Variants in TOX2 observed in about 807,000 individuals in gnomAD.
The protein encoded by TOX2 is granulosa cell HMG box 1.
A neutral mutation model predicts 47.4 loss-of-function variants in TOX2; 15 were observed. That is an observed-to-expected ratio of 0.32 (90% confidence interval 0.21 to 0.49). The LOEUF (loss-of-function observed/expected upper bound fraction) is 0.49, where lower values mean the gene tolerates loss of function less well. Among genes scored for constraint, TOX2 ranks in the 20% least tolerant of loss-of-function variants. TOX2 has a pLI of 0.99. For missense variants in TOX2, 622 were observed against 673.1 expected, an observed-to-expected ratio of 0.92 and a Z score of 0.84; for synonymous variants, 290 against 296.6, an observed-to-expected ratio of 0.98 and a Z score of 0.23.
chr20:43,962,209 T>C (rs1184405637), intron 1 of TOX2, among the ~76,000 whole-genome samples: 1 of 152,078 alleles, frequency 6.6e-6, no homozygotes, highest in African/African-American at 2.4e-5. Flanking sequence ...AAGGAAGAAA[T>C]ACAGGCCTGC....
In TOX2 at chr20:43,987,211, A is replaced by C. The variant is rs939008060; in HGVS notation, c.165+13779A>C. 7.4e-4 allele frequency among the ~76,000 whole-genome samples: 112 copies of C among 152,242 alleles called. 2 individuals carry two copies. The highest frequency in any genetic ancestry group is 3.2e-4 in the Non-Finnish European group (22 of 68,040). Reference sequence around the variant, plus strand: ...CAATGAGAATGAATGATGTGTAACCACATGCCATCAAGCAGATGAGTCTCA... The same window carrying C: ...CAATGAGAATGAATGATGTGTAACCCCATGCCATCAAGCAGATGAGTCTCA... On this transcript the variant is annotated intron_variant, in intron 2 of 8. Coordinates refer to ENST00000341197, the MANE Select transcript of TOX2 (RefSeq NM_001098797.2).
At chr20:43,995,630 G>C (rs1479984825) in intron 2 of TOX2, among the ~76,000 whole-genome samples, 1 of 152,156 alleles carries the variant, frequency 6.6e-6, no homozygotes, top group Non-Finnish European at 1.5e-5. Context: ...ATTCAGCCTA[G>C]TACCCATTAG....
At chr20:44,009,968 G>A (rs756697087) in intron 3 of TOX2, among the ~76,000 whole-genome samples, 22 of 152,092 alleles carry the variant, frequency 1.4e-4, no homozygotes, top group Non-Finnish European at 2.5e-4. Context: ...TTGAAGCCTC[G>A]GTTTCCTTGT....
intron 1 of TOX2, among the ~76,000 whole-genome samples, chr20:43,920,132 T>C (rs2145829157): frequency 6.6e-6 from 1 of 152,364 alleles, no homozygotes; most frequent in Middle Eastern, 3.4e-3. Context: ...TACAGGCTTT[T>C]GTGGGCTCCT....
At chr20:43,935,599 G>T (rs1046350215) in intron 1 of TOX2, among the ~76,000 whole-genome samples, 2 of 152,270 alleles carry the variant, frequency 1.3e-5, no homozygotes, top group Admixed American at 6.5e-5. Flanking sequence ...GAAGCTCAGA[G>T]AAACTTGCCC....
intron 3 of TOX2, among the ~76,000 whole-genome samples, chr20:44,039,427 C>T (rs138379064): frequency 1.8e-4 from 28 of 152,184 alleles, no homozygotes; most frequent in Admixed American, 9.8e-4. Flanking sequence ...AGCAGGGAGG[C>T]GACATTTCAT....
chr20:43,920,309 T>C (rs1325111670), intron 1 of TOX2, among the ~76,000 whole-genome samples: 1 of 152,232 alleles, frequency 6.6e-6, no homozygotes, highest in Non-Finnish European at 1.5e-5. Flanking sequence ...GATTGAGGAC[T>C]CTTTTTGACA....
In TOX2 at chr20:44,051,372, C is replaced by T. The variant is rs1458899028; in HGVS notation, c.478C>T (p.Arg160Cys). 23 of 1,613,926 alleles carry T rather than the reference C, an allele frequency of 1.4e-5. No individual in the cohort carries two copies. Among genetic ancestry groups the T allele is most frequent in the Non-Finnish European group, 1.7e-5 (20 of 1,179,934 alleles). The change falls in exon 4 of 9, where the codon CGC becomes TGC. Residue 160 changes from arginine to cysteine, a missense_variant. Arg to Cys is a radical substitution (Grantham distance 180). Coordinates refer to ENST00000341197, the MANE Select transcript of TOX2 (RefSeq NM_001098797.2). ...GGGCCGGCCCGGGCCCCTGCTGGGT[C>T]GCCCGGCAATGCTGGCCAGCCACAT... ...DSGRPGPLLG[R>C]PAMLASHMSA...
chr20:44,064,675 C>A, intron 5 of TOX2, 102 bp from the exon 6 acceptor site: 1 of 1,105,498 alleles, frequency 9.0e-7, no homozygotes. Flanking sequence ...CCACCCTCGT[C>A]CATTCGTGAT....
At chr20:44,015,630 T>C (rs1413057491) in intron 3 of TOX2, among the ~76,000 whole-genome samples, 2 of 152,246 alleles carry the variant, frequency 1.3e-5, no homozygotes, top group Non-Finnish European at 2.9e-5. Flanking sequence ...TTCAATTCTT[T>C]TATTATCTCA....
chr20:43,959,791 T>G (rs1600684350), intron 1 of TOX2, among the ~76,000 whole-genome samples: 1 of 152,244 alleles, frequency 6.6e-6, no homozygotes, highest in South Asian at 2.1e-4. Context: ...GCTTGGATGA[T>G]AGATAATTGT....
At chr20:44,003,558 G>T (rs1240650197) in intron 2 of TOX2, among the ~76,000 whole-genome samples, 3 of 152,180 alleles carry the variant, frequency 2.0e-5, no homozygotes, top group African/African-American at 7.2e-5. Context: ...CAAAACTCAT[G>T]TTAAATATCA....
chr20:43,945,410 G>A (rs931283221), intron 1 of TOX2, among the ~76,000 whole-genome samples: 3 of 152,220 alleles, frequency 2.0e-5, no homozygotes, highest in Non-Finnish European at 4.4e-5. Flanking sequence ...ACATTTAGCT[G>A]TCTCTAATTC....
intron 1 of TOX2, among the ~76,000 whole-genome samples, chr20:43,948,386 C>A (rs2069505501): frequency 6.6e-6 from 1 of 152,256 alleles, no homozygotes; most frequent in African/African-American, 2.4e-5. Flanking sequence ...AACCCCTGCT[C>A]TTCCACTGTG....
chr20:44,004,313 C>G (rs1464011368), intron 2 of TOX2, among the ~76,000 whole-genome samples: 1 of 152,120 alleles, frequency 6.6e-6, no homozygotes, highest in Non-Finnish European at 1.5e-5. Context: ...AGATGAGAAT[C>G]GAAACCCAGA....
chr20:43,997,163 C>T (rs1021421209), intron 2 of TOX2, among the ~76,000 whole-genome samples: 5 of 152,094 alleles, frequency 3.3e-5, no homozygotes, highest in East Asian at 1.9e-4. Flanking sequence ...AAATGGAGAT[C>T]GATAGTCAAA....
At chr20:44,037,343 G>A (rs574982485) in intron 3 of TOX2, among the ~76,000 whole-genome samples, 13 of 152,344 alleles carry the variant, frequency 8.5e-5, no homozygotes, top group South Asian at 2.1e-4. Context: ...GAAAACTTTC[G>A]TCTTGAACAC....
At chr20:44,049,330 T>A (rs886184094) in intron 3 of TOX2, among the ~76,000 whole-genome samples, 2 of 152,220 alleles carry the variant, frequency 1.3e-5, no homozygotes, top group African/African-American at 4.8e-5. Context: ...GTGGAATATG[T>A]ACACAATTTA....
At position 44,054,403 on chromosome 20, in the gene TOX2, C is replaced by T. The variant is rs2071581333; in HGVS notation, c.756C>T (p.Ala252=). Residue 252 remains alanine (A), a synonymous_variant, in exon 5 of 9, where the codon GCC becomes GCT. Transcript: ENST00000341197. The part of the protein sequence containing the change: ...DPNEPQKPVS[A]YALFFRDTQA... ...ATGAGCCGCAGAAGCCTGTGTCGGCCTACGCACTCTTCTTCAGAGACACTC... is the reference window on the plus strand; with the variant it reads ...ATGAGCCGCAGAAGCCTGTGTCGGCTTACGCACTCTTCTTCAGAGACACTC... The T allele has an allele frequency of 6.2e-7, 1 of 1,612,420 alleles. No homozygotes were observed. Among genetic ancestry groups the T allele is most frequent in the African/African-American group, 1.3e-5 (1 of 74,686 alleles).
Sources: allele counts gnomAD v4.1 joint callset (sites outside exome capture counted in the v4.1 genomes callset), GRCh38; gene constraint gnomAD v4.1.1; transcripts MANE v1.5; gene names NCBI Gene and HGNC (gene_info 2026-07-23, HGNC 2026-07-21).